The following NRDC variants were observed in gnomAD, a reference collection of about 807,000 sequenced individuals.
NRDC encodes the protein nardilysin.
In NRDC, 54 loss-of-function variants were observed where a neutral mutation model predicts 147.1. That is an observed-to-expected ratio of 0.37 (90% CI 0.29 to 0.46). NRDC has a LOEUF of 0.46. NRDC is among the 20% of genes least tolerant of loss of function. The probability of loss-of-function intolerance (pLI) is 1.00; values close to 1 mark genes in which losing one functional copy is unlikely to be tolerated. For missense variants in NRDC, 1,082 were observed against 1,370.6 expected, an observed-to-expected ratio of 0.79 and a Z score of 3.33; for synonymous variants, 440 against 482.1, an observed-to-expected ratio of 0.91 and a Z score of 1.14.
intron 22 of NRDC, 54 bp from the exon 23 acceptor site, chr1:51,794,908 C>A: frequency 6.2e-7 from 1 of 1,608,260 alleles, no homozygotes; most frequent in Non-Finnish European, 8.5e-7. Flanking sequence ...TCATTTCACC[C>A]AGAATCAGCT....
Position 51,792,108 on chromosome 1 carries a change from A to C in NRDC, c.2824-10T>G. ...GTTCTTCCATGTGCATCTGTAATTC[A>C]ACATACTGCCCATCAGCCCAACTCC... On this transcript the variant is annotated splice_polypyrimidine_tract_variant and intron_variant, in intron 25 of 30. Transcript: ENST00000352171. 6.2e-7 allele frequency: 1 copy of C among 1,613,736 alleles called. No individual in the cohort carries two copies. Among genetic ancestry groups the C allele is most frequent in the South Asian group, 1.1e-5 (1 of 91,044 alleles).
chr1:51,847,623 G>A (rs1681717198), intron 1 of NRDC, among the ~76,000 whole-genome samples: 2 of 152,348 alleles, frequency 1.3e-5, no homozygotes, highest in South Asian at 2.1e-4. Context: ...TGGCCTGGGT[G>A]CTAAGCCCCT....
Position 51,836,191 on chromosome 1 carries a change from C to T in NRDC, c.652G>A (p.Gly218Arg). ...EKQSAAALCV[G>R]VGSFADPDDL... ...TCTGGATCAGCGAAACTCCCAACTC[C>T]AACACAAAGAGCCGCTGCAGACTGG... The change falls in exon 3 of 31, where the codon GGA becomes AGA. Residue 218 changes from glycine to arginine, a missense_variant. This residue lies in a region of NRDC where 635 missense variants were observed against 923.8 expected (regional missense o/e 0.69). Transcript: ENST00000352171. The T allele has an allele frequency of 4.3e-6, 7 of 1,614,136 alleles. No individual in the cohort carries two copies. The highest frequency in any genetic ancestry group is 5.1e-6 in the Non-Finnish European group (6 of 1,180,008).
chr1:51,867,128 C>T (rs1682849465), intron 1 of NRDC, among the ~76,000 whole-genome samples: 2 of 151,972 alleles, frequency 1.3e-5, no homozygotes, highest in South Asian at 4.1e-4. Context: ...GCATCATGAG[C>T]CACTGTGCCC....
intron 14 of NRDC, 76 bp downstream of exon 14, chr1:51,813,959 C>CA (rs1385398907): frequency 3.5e-5 from 35 of 993,738 alleles, no homozygotes; most frequent in Non-Finnish European, 5.2e-5. Context: ...CCGACACTTT[C>CA]AAAAAGAGGA....
rs529154224 is a variant in NRDC, at chr1:51,802,500, T to A, written c.2313+1314A>T. 5.9e-5 allele frequency among the ~76,000 whole-genome samples: 9 copies of A among 152,350 alleles called. No homozygotes were observed. In the East Asian group the frequency reaches 1.5e-3, roughly 26 times the overall value. On this transcript the variant is annotated intron_variant, in intron 20 of 30. Coordinates refer to ENST00000352171, the MANE Select transcript of NRDC (RefSeq NM_001101662.2). ...GTAATTCTAAAACATATTTTCCAAA[T>A]GACAACCACTGAATTAGGCTTTAAT...
intron 16 of NRDC, among the ~76,000 whole-genome samples, 159 bp downstream of exon 16, chr1:51,810,122 T>A (rs1458294084): frequency 1.3e-5 from 2 of 152,084 alleles, no homozygotes; most frequent in East Asian, 3.8e-4. Context: ...TAGCAGAAAA[T>A]AACTTCCTGT....
At chr1:51,840,600 AAAG>A (rs1215457150) in intron 1 of NRDC, 86 bp from the exon 2 acceptor site, 4 of 922,428 alleles carry the variant, frequency 4.3e-6, no homozygotes, top group African/African-American at 1.7e-5. Context: ...AATTTTAAAA[AAAG>A]AATCCAAGTA....
chr1:51,809,288 A>G (rs369819001), intron 17 of NRDC, 27 bp downstream of exon 17: 104 of 1,458,914 alleles, frequency 7.1e-5, no homozygotes, highest in Non-Finnish European at 9.0e-5. Context: ...TGGATGGATT[A>G]TGTATAAAAA....
At chr1:51,826,762 T>C (rs1040969190) in intron 5 of NRDC, among the ~76,000 whole-genome samples, 1 of 152,214 alleles carries the variant, frequency 6.6e-6, no homozygotes, top group South Asian at 2.1e-4. Context: ...TGTGTGTGTA[T>C]ATACATATAT....
At chr1:51,826,237 A>T (rs1446156820) in intron 5 of NRDC, among the ~76,000 whole-genome samples, 10 of 152,246 alleles carry the variant, frequency 6.6e-5, no homozygotes, top group Admixed American at 6.5e-4. Flanking sequence ...AACAACCTTG[A>T]GGAAGTTATC....
intron 1 of NRDC, among the ~76,000 whole-genome samples, chr1:51,868,315 G>A (rs1027796972): frequency 1.3e-5 from 2 of 151,762 alleles, no homozygotes; most frequent in African/African-American, 4.8e-5. Context: ...AAAGAGAGGA[G>A]ATACTCATGC....
intron 1 of NRDC, among the ~76,000 whole-genome samples, chr1:51,873,299 A>G (rs748210879): frequency 1.1e-4 from 17 of 152,194 alleles, no homozygotes; most frequent in Non-Finnish European, 2.1e-4. Flanking sequence ...GAGCCACTTC[A>G]CTAGCAAACT....
At position 51,845,620 on chromosome 1, in the gene NRDC, T is replaced by C. The variant is rs78684227; in HGVS notation, c.342-5106A>G. Among the ~76,000 whole-genome samples the C allele has an allele frequency of 8.1e-3, 1,203 of 148,844 alleles. 16 individuals carry two copies. Among genetic ancestry groups the C allele is most frequent in the African/African-American group, 0.029 (1,156 of 40,478 alleles). On this transcript the variant is annotated intron_variant, in intron 1 of 30. Transcript: ENST00000352171. ...AAAAAAGAAAAGAAAAGAAAAGAAA[T>C]GTCCCGTTTTCAGAAATGCCTTCTC...
intron 2 of NRDC, among the ~76,000 whole-genome samples, chr1:51,836,642 C>T (rs1571884462): frequency 6.6e-6 from 1 of 151,962 alleles, no homozygotes; most frequent in East Asian, 1.9e-4. Flanking sequence ...TGTTGAGTGA[C>T]TCAGTTACTA....
intron 11 of NRDC, among the ~76,000 whole-genome samples, chr1:51,815,717 C>A (rs1170216642): frequency 1.3e-5 from 2 of 152,198 alleles, no homozygotes; most frequent in Admixed American, 6.5e-5. Flanking sequence ...ATCTATCCTT[C>A]CATTCTCATA....
intron 20 of NRDC, chr1:51,800,995 C>T: frequency 4.9e-6 from 1 of 203,728 alleles, no homozygotes; most frequent in Non-Finnish European, 9.8e-6. Flanking sequence ...CAGACAGGGG[C>T]CACCATGCCC....
chr1:51,868,840 T>C (rs962722370), intron 1 of NRDC, among the ~76,000 whole-genome samples: 5 of 152,142 alleles, frequency 3.3e-5, no homozygotes, highest in Non-Finnish European at 7.4e-5. Context: ...ACCACTGCAC[T>C]GCATCCTGAG....
In NRDC at chr1:51,799,360, C is replaced by G. The variant is rs752356086; in HGVS notation, c.2442-949G>C. ...ATCCCTCCCCCAGCACCCCCACCCC[C>G]CAACAGGCCCTGGTGTGTGATGTTC... On this transcript the variant is annotated intron_variant, in intron 21 of 30. Coordinates refer to ENST00000352171, the MANE Select transcript of NRDC (RefSeq NM_001101662.2). 5.3e-5 allele frequency among the ~76,000 whole-genome samples: 8 copies of G among 152,232 alleles called. 1 individual carries two copies. In the South Asian group the frequency reaches 1.2e-3, roughly 24 times the overall value.
Sources: gnomAD v4.1 joint callset for allele counts (sites outside exome capture counted in the v4.1 genomes callset) on GRCh38, gnomAD v4.1.1 for gene constraint, gnomAD v4.1.1 regional missense constraint, MANE v1.5 for transcripts, NCBI Gene and HGNC (gene_info 2026-07-23, HGNC 2026-07-21) for gene names.